Variants in CSMD2 observed in about 807,000 individuals in gnomAD.
CSMD2 encodes CUB and Sushi multiple domains 2, also known as CUB and sushi domain-containing protein 2.
A neutral mutation model predicts 398.5 loss-of-function variants in CSMD2; 130 were observed. The ratio of observed to expected loss-of-function variants is 0.33; its 90% CI spans 0.28 to 0.38. The LOEUF is 0.38. Ranked by LOEUF, CSMD2 falls within the 10% of genes least tolerant of loss-of-function variation. The pLI is 1.00. For missense variants in CSMD2, 3,829 were observed against 4,764.9 expected, an observed-to-expected ratio of 0.80 and a Z score of 5.78; for synonymous variants, 1,828 against 1,908.5, an observed-to-expected ratio of 0.96 and a Z score of 1.10.
chr1:33,676,341 A>G (rs1040357943), intron 25 of CSMD2, among the ~76,000 whole-genome samples: 8 of 152,202 alleles, frequency 5.3e-5, no homozygotes, highest in African/African-American at 1.9e-4. Context: ...CCAAATCATG[A>G]GTGAACTCCC....
intron 44 of CSMD2, among the ~76,000 whole-genome samples, chr1:33,596,180 C>T (rs1213405528): frequency 1.3e-5 from 2 of 152,144 alleles, no homozygotes; most frequent in Non-Finnish European, 2.9e-5. Flanking sequence ...CTGCTGACCC[C>T]TCCCTCCTCA....
chr1:33,903,310 C>T (rs1296101146), intron 5 of CSMD2, among the ~76,000 whole-genome samples: 1 of 151,346 alleles, frequency 6.6e-6, no homozygotes, highest in Non-Finnish European at 1.5e-5. Flanking sequence ...TCAAACCTCT[C>T]CAGTTCTGTT....
intron 48 of CSMD2, among the ~76,000 whole-genome samples, chr1:33,579,076 C>G (rs145350859): frequency 1.3e-5 from 2 of 152,328 alleles, no homozygotes; most frequent in East Asian, 3.9e-4. Flanking sequence ...ATGTAATTAA[C>G]TCACTTTCTA....
intron 13 of CSMD2, among the ~76,000 whole-genome samples, chr1:33,758,127 C>T (rs1649301558): frequency 6.6e-6 from 1 of 152,266 alleles, no homozygotes; most frequent in South Asian, 2.1e-4. Context: ...TTTTTCCACT[C>T]TCCCCACCCT....
chr1:33,936,002 G>A (rs1240018525), intron 3 of CSMD2, 48 bp from the exon 4 acceptor site: 2 of 1,534,224 alleles, frequency 1.3e-6, no homozygotes, highest in Non-Finnish European at 1.8e-6. Context: ...GAGCTGGGCT[G>A]GAGCCCTGAC....
At position 33,830,655 on chromosome 1, in the gene CSMD2, G is replaced by C. The variant is rs541271200; in HGVS notation, c.1034-4881C>G. ...CCTCACCAGCAACGGAACAAAGCTG[G>C]ATGGAGAATGACTTTGACGAATTGA... On this transcript the variant is annotated intron_variant, in intron 6 of 70. Transcript: ENST00000373381. Among the ~76,000 whole-genome samples, 316 of 152,362 alleles carry C rather than the reference G, an allele frequency of 2.1e-3. 3 individuals carry two copies. Among genetic ancestry groups the C allele is most frequent in the African/African-American group, 7.1e-3 (295 of 41,588 alleles).
chr1:33,950,828 T>A (rs1301215702), intron 3 of CSMD2, among the ~76,000 whole-genome samples: 1 of 152,200 alleles, frequency 6.6e-6, no homozygotes, highest in Admixed American at 6.5e-5. Context: ...TGTCCCTGGG[T>A]ATCTTGTCTC....
At position 33,625,142 on chromosome 1, in the gene CSMD2, G is replaced by A; in HGVS notation, c.5409C>T (p.Ser1803=). Residue 1803 remains serine, a synonymous_variant, in exon 34 of 71, where the codon TCC becomes TCT. Coordinates refer to ENST00000373381, the MANE Select transcript of CSMD2 (RefSeq NM_001281956.2). ...VGAIVRFECN[S]GYALQGSPEI... is the part of the protein sequence containing the mutation. The stretch of plus-strand genomic sequence containing the variant: ...CTGGCGACCCCTGCAGGGCATAGCC[G>A]GAGTTGCATTCGAAGCGGACGATGG... The A allele has an allele frequency of 8.1e-6, 13 of 1,614,106 alleles. No individual in the cohort carries two copies. Among genetic ancestry groups the A allele is most frequent in the East Asian group, 2.2e-5 (1 of 44,860 alleles).
chr1:34,149,206 G>A (rs570596513), intron 1 of CSMD2, among the ~76,000 whole-genome samples: 1 of 152,206 alleles, frequency 6.6e-6, no homozygotes, highest in Admixed American at 6.5e-5. Flanking sequence ...TCCTCACTGG[G>A]ACCACAGACT....
chr1:33,833,386 G>A (rs376420275), intron 6 of CSMD2, among the ~76,000 whole-genome samples: 1 of 149,850 alleles, frequency 6.7e-6, no homozygotes, highest in African/African-American at 2.5e-5. Context: ...TATAAACAGA[G>A]CCAAAGACAA....
intron 44 of CSMD2, among the ~76,000 whole-genome samples, chr1:33,590,975 A>C (rs1387764313): frequency 4.3e-5 from 4 of 92,442 alleles, no homozygotes; most frequent in African/African-American, 8.2e-5. Flanking sequence ...TGAAGCTTTT[A>C]TTTATCTTTT....
chr1:34,090,483 C>T (rs964384665), intron 1 of CSMD2, among the ~76,000 whole-genome samples: 1 of 152,164 alleles, frequency 6.6e-6, no homozygotes, highest in South Asian at 2.1e-4. Context: ...GTGGGCCAGG[C>T]CCATCACCCC....
At chr1:33,955,256 C>T (rs1217252523) in intron 3 of CSMD2, among the ~76,000 whole-genome samples, 3 of 152,198 alleles carry the variant, frequency 2.0e-5, no homozygotes, top group African/African-American at 4.8e-5. Context: ...CCCCACGAGG[C>T]GCCGCCTGAG....
At chr1:33,654,766 C>T (rs900289298) in intron 27 of CSMD2, among the ~76,000 whole-genome samples, 5 of 152,246 alleles carry the variant, frequency 3.3e-5, no homozygotes, top group Admixed American at 6.5e-5. Flanking sequence ...GAAATCTTCC[C>T]AAGGGGGCAC....
chr1:34,126,442 T>C (rs1014946790), intron 1 of CSMD2, among the ~76,000 whole-genome samples: 1 of 152,128 alleles, frequency 6.6e-6, no homozygotes, highest in Non-Finnish European at 1.5e-5. Flanking sequence ...TGTGATCCTC[T>C]AAGGCCACGG....
intron 15 of CSMD2, among the ~76,000 whole-genome samples, chr1:33,736,834 G>A (rs1646903135): frequency 6.6e-6 from 1 of 152,170 alleles, no homozygotes; most frequent in South Asian, 2.1e-4. Flanking sequence ...GTCCAGTGGT[G>A]GTGGCCCATG....
At position 33,819,767 on chromosome 1, in the gene CSMD2, T is replaced by A; in HGVS notation, c.1270A>T (p.Met424Leu). The part of the protein sequence containing the change: ...DLQGSKRITC[M>L]KVSDMFAAWS... ...GCCGCAAACATGTCGCTCACTTTCA[T>A]ACAGGTGATCCGCTTGGACCCTTGC... The change falls in exon 9 of 71, where the codon ATG becomes TTG. Residue 424 changes from methionine to leucine, a missense_variant. This residue lies in a region of CSMD2 where 2,001 missense variants were observed against 2,567.1 expected (regional missense o/e 0.78). Transcript: ENST00000373381. 1 of 1,614,110 alleles carries A rather than the reference T, an allele frequency of 6.2e-7. No homozygotes were observed. The highest frequency in any genetic ancestry group is 2.2e-5 in the East Asian group (1 of 44,858).
chr1:33,697,346 A>T (rs1459234662), intron 24 of CSMD2, among the ~76,000 whole-genome samples: 1 of 151,972 alleles, frequency 6.6e-6, no homozygotes, highest in African/African-American at 2.4e-5. Context: ...ATGAGGGGAG[A>T]TATAAAAAGA....
chr1:34,071,514 C>G (rs974732715), intron 2 of CSMD2, among the ~76,000 whole-genome samples: 1 of 152,276 alleles, frequency 6.6e-6, no homozygotes, highest in African/African-American at 2.4e-5. Flanking sequence ...AGGCTTCTCT[C>G]ATCTCCTGTC....
Sources: allele counts gnomAD v4.1 joint callset (sites outside exome capture counted in the v4.1 genomes callset), GRCh38; gene constraint gnomAD v4.1.1; regional missense constraint gnomAD v4.1.1; transcripts MANE v1.5; gene names NCBI Gene and HGNC (gene_info 2026-07-23, HGNC 2026-07-21).